The following RP1 variants were observed in gnomAD, a reference collection of about 807,000 sequenced individuals.
RP1 encodes the protein RP1 axonemal microtubule associated.
A neutral mutation model predicts 14.8 loss-of-function variants in RP1; 16 were observed. The observed-to-expected ratio is 1.08, with a 90% CI of 0.73 to 1.65. The LOEUF is 1.65. Among genes scored for constraint, RP1 ranks in the 40% most tolerant of loss-of-function variants. The pLI is 0.00. For missense variants in RP1, 2,631 were observed against 2,535.0 expected (o/e 1.04, Z -0.81); for synonymous variants, 876 against 883.6 (o/e 0.99, Z 0.15).
chr8:54,612,898 A>G (rs1805629412), upstream of RP1, among the ~76,000 whole-genome samples: 2 of 152,304 alleles, frequency 1.3e-5, no homozygotes, highest in South Asian at 2.1e-4. Flanking sequence ...GTCACTTCTC[A>G]GTGAGGTTTT....
exon 18 of RP1, chr8:54,734,692 GCAA>G: frequency 6.5e-7 from 1 of 1,535,636 alleles, no homozygotes; most frequent in Non-Finnish European, 8.7e-7. Context: ...ATAAGTCTTC[GCAA>G]GGACAGCTCA....
intron 24 of RP1, among the ~76,000 whole-genome samples, chr8:54,819,097 C>T (rs1315543644): frequency 6.6e-6 from 1 of 151,970 alleles, no homozygotes; most frequent in Admixed American, 6.6e-5. Flanking sequence ...AGACCAATAA[C>T]TCTTAAATTT....
At chr8:54,847,486 A>T (rs1201321014) in intron 25 of RP1, among the ~76,000 whole-genome samples, 1 of 152,234 alleles carries the variant, frequency 6.6e-6, no homozygotes, top group Non-Finnish European at 1.5e-5. Flanking sequence ...CTTTTGGCAG[A>T]TGGAATTCCA....
chr8:54,750,517 A>T (rs1809334700), intron 19 of RP1, among the ~76,000 whole-genome samples: 1 of 152,196 alleles, frequency 6.6e-6, no homozygotes, highest in Non-Finnish European at 1.5e-5. Flanking sequence ...AGCCAGCTGG[A>T]CTTCCTAGGT....
At chr8:54,624,337 C>T (rs1023135970) in intron 3 of RP1, among the ~76,000 whole-genome samples, 13 of 144,870 alleles carry the variant, frequency 9.0e-5, no homozygotes, top group Non-Finnish European at 3.0e-5. Context: ...CCCAGCTATT[C>T]GGGATGCTGA....
chr8:54,689,450 G>T (rs958370369), intron 12 of RP1, among the ~76,000 whole-genome samples: 10 of 151,974 alleles, frequency 6.6e-5, no homozygotes, highest in African/African-American at 2.4e-4. Flanking sequence ...CAGATGAAAA[G>T]TTATTTCCTT....
intron 26 of RP1, among the ~76,000 whole-genome samples, chr8:54,854,182 C>T (rs1326262131): frequency 6.6e-6 from 1 of 152,096 alleles, no homozygotes; most frequent in Non-Finnish European, 1.5e-5. Context: ...TGTGGAAATG[C>T]AGTCAAATAC....
intron 1 of RP1, among the ~76,000 whole-genome samples, chr8:54,620,650 T>C (rs1323189264): frequency 1.3e-5 from 2 of 152,236 alleles, no homozygotes; most frequent in Non-Finnish European, 1.5e-5. Context: ...TATAAGGTCA[T>C]GTTTAATGGT....
intron 24 of RP1, among the ~76,000 whole-genome samples, chr8:54,807,488 T>C (rs1436233491): frequency 6.6e-6 from 1 of 152,156 alleles, no homozygotes; most frequent in Non-Finnish European, 1.5e-5. Flanking sequence ...TGTGTGTTTC[T>C]GATGCTTGTC....
chr8:54,712,131 G>A (rs1185034635), intron 15 of RP1, among the ~76,000 whole-genome samples: 2 of 152,104 alleles, frequency 1.3e-5, no homozygotes, highest in Non-Finnish European at 2.9e-5. Context: ...AGGTCAGAGA[G>A]GTGACCTTTC....
intron 18 of RP1, among the ~76,000 whole-genome samples, chr8:54,735,937 T>G (rs1053907515): frequency 3.9e-5 from 6 of 152,174 alleles, no homozygotes; most frequent in Admixed American, 1.3e-4. Flanking sequence ...GTATAGATTC[T>G]CAGTCTTGAT....
chr8:54,699,713 G>T (rs957904601), intron 13 of RP1: 1 of 405,940 alleles, frequency 2.5e-6, no homozygotes, highest in African/African-American at 2.1e-5. Context: ...ACTAATTGTT[G>T]AGACTGTGAT....
chr8:54,680,622 G>A (rs777841646), intron 12 of RP1, among the ~76,000 whole-genome samples: 2 of 152,104 alleles, frequency 1.3e-5, no homozygotes, highest in Non-Finnish European at 2.9e-5. Context: ...CTTCTGCCTC[G>A]TATTTGAGAT....
intron 14 of RP1, among the ~76,000 whole-genome samples, chr8:54,704,793 T>C (rs1438064571): frequency 1.3e-5 from 2 of 152,172 alleles, no homozygotes; most frequent in Non-Finnish European, 2.9e-5. Context: ...TAGCTTAAGG[T>C]TGAACTTAAG....
At chr8:54,696,379 T>C (rs1177837243) in intron 12 of RP1, 4 of 613,276 alleles carry the variant, frequency 6.5e-6, no homozygotes, top group Non-Finnish European at 1.1e-5. Flanking sequence ...AAAATCTAAC[T>C]TTGTGCAACA....
chr8:54,740,989 T>G (rs915864452), intron 19 of RP1, among the ~76,000 whole-genome samples: 2 of 151,528 alleles, frequency 1.3e-5, no homozygotes, highest in African/African-American at 4.9e-5. Context: ...TGAGCTGAGA[T>G]TGCACCATTG....
intron 1 of RP1, among the ~76,000 whole-genome samples, chr8:54,583,439 A>G (rs531282241): frequency 6.6e-6 from 1 of 152,224 alleles, no homozygotes; most frequent in Non-Finnish European, 1.5e-5. Context: ...GATGTTCATC[A>G]GGAATATTGG....
downstream of RP1, among the ~76,000 whole-genome samples, chr8:54,771,031 T>C (rs1809885861): frequency 6.6e-6 from 1 of 152,080 alleles, no homozygotes; most frequent in South Asian, 2.1e-4. Flanking sequence ...AGTGCTAACA[T>C]TATTTTATTC....
Position 54,625,605 on chromosome 8 carries a change from A to G in RP1, c.1723A>G (p.Ile575Val). 13 of 1,614,174 alleles carry G rather than the reference A, an allele frequency of 8.1e-6. No individual in the cohort carries two copies. The highest frequency in any genetic ancestry group is 1.1e-5 in the South Asian group (1 of 91,078). The change falls in exon 4 of 4, where the codon ATT becomes GTT. Residue 575 changes from isoleucine to valine, a missense_variant. Ile to Val is a conservative substitution (Grantham distance 29). Transcript: ENST00000220676. ...GLPSTISNNS[I>V]VEEDVVDCVV... ...GCCATCAACTATATCAAATAACTCAATTGTGGAGGAAGATGTAGTTGATTG... is the reference window on the plus strand; with the variant it reads ...GCCATCAACTATATCAAATAACTCAGTTGTGGAGGAAGATGTAGTTGATTG...
Sources: allele counts gnomAD v4.1 joint callset (sites outside exome capture counted in the v4.1 genomes callset), GRCh38; gene constraint gnomAD v4.1.1; transcripts MANE v1.5; gene names NCBI Gene and HGNC (gene_info 2026-07-23, HGNC 2026-07-21).